The following TMC1 variants were observed in gnomAD, a reference collection of about 807,000 sequenced individuals.
TMC1 encodes transmembrane channel like 1.
In TMC1, 84 loss-of-function variants were observed where a neutral mutation model predicts 105.8. The ratio of observed to expected loss-of-function variants is 0.79; its 90% confidence interval spans 0.67 to 0.95. TMC1 has a LOEUF of 0.95. Among genes scored for constraint, TMC1 ranks in the 40% least tolerant of loss-of-function variants. The pLI is 0.00. For synonymous variants in TMC1, 315 were observed against 311.5 expected, an observed-to-expected ratio of 1.01 and a Z score of -0.12; for missense variants, 817 against 914.1, an observed-to-expected ratio of 0.89 and a Z score of 1.37.
chr9:72,768,874 G>C (rs935996630), intron 12 of TMC1, among the ~76,000 whole-genome samples: 12 of 152,102 alleles, frequency 7.9e-5, no homozygotes, highest in African/African-American at 2.7e-4. Context: ...ATATCAGGTG[G>C]GGGGTGACCC....
In TMC1 at chr9:72,792,255, A is replaced by G; in HGVS notation, c.1469A>G (p.Tyr490Cys). ...TGGGAAGCCAATATGATCAAGGCCT[A>G]CAATGCATCATTCTCTGAAAATAGC... Reference protein sequence around the residue: ...TLWEANMIKAYNASFSENSTG... With the variant: ...TLWEANMIKACNASFSENSTG... The change falls in exon 17 of 24, where the codon TAC becomes TGC. Residue 490 changes from tyrosine to cysteine, a missense_variant. Transcript: ENST00000297784. 1 of 1,614,192 alleles carries G rather than the reference A, an allele frequency of 6.2e-7. No individual in the cohort carries two copies. Among genetic ancestry groups the G allele is most frequent in the Non-Finnish European group, 8.5e-7 (1 of 1,180,022 alleles).
At chr9:72,821,826 G>T (rs1828879613) in intron 20 of TMC1, among the ~76,000 whole-genome samples, 1 of 152,258 alleles carries the variant, frequency 6.6e-6, no homozygotes, top group African/African-American at 2.4e-5. Flanking sequence ...GAGAGAGACA[G>T]ACAGAGAGAG....
chr9:72,757,974 A>G (rs1465562284), intron 12 of TMC1, among the ~76,000 whole-genome samples: 1 of 152,226 alleles, frequency 6.6e-6, no homozygotes, highest in East Asian at 1.9e-4. Context: ...ACATAAGTAA[A>G]TAAAAGTATT....
chr9:72,732,977 T>A (rs914041681), intron 8 of TMC1, among the ~76,000 whole-genome samples: 1 of 152,088 alleles, frequency 6.6e-6, no homozygotes, highest in Non-Finnish European at 1.5e-5. Flanking sequence ...GGAAACTGGA[T>A]CAAAGGCATT....
intron 3 of TMC1, among the ~76,000 whole-genome samples, chr9:72,626,038 G>A (rs1033014997): frequency 7.2e-5 from 11 of 152,166 alleles, no homozygotes; most frequent in African/African-American, 2.7e-4. Context: ...ACTGCATAGA[G>A]TGATTGTATA....
intron 6 of TMC1, among the ~76,000 whole-genome samples, chr9:72,693,099 G>T (rs1220412753): frequency 7.0e-6 from 1 of 143,564 alleles, no homozygotes; most frequent in Non-Finnish European, 1.5e-5. Context: ...CAGCTTGGGT[G>T]ATAGAACAAA....
intron 1 of TMC1, among the ~76,000 whole-genome samples, chr9:72,555,479 G>A (rs1283943878): frequency 4.0e-5 from 6 of 151,364 alleles, no homozygotes; most frequent in East Asian, 2.0e-4. Context: ...GAGATACTGC[G>A]CCCGGCCCAT....
chr9:72,730,462 A>G (rs1262410361), intron 8 of TMC1, among the ~76,000 whole-genome samples: 2 of 152,154 alleles, frequency 1.3e-5, no homozygotes, highest in Admixed American at 6.5e-5. Context: ...TCTGAGCCCA[A>G]CAGTTCCATA....
At chr9:72,739,244 T>A (rs899048654) in intron 8 of TMC1, among the ~76,000 whole-genome samples, 3 of 152,156 alleles carry the variant, frequency 2.0e-5, no homozygotes, top group Admixed American at 6.5e-5. Flanking sequence ...TGGCCACTAC[T>A]TACAAGGGCA....
At chr9:72,562,542 C>T (rs1824075269) in intron 1 of TMC1, among the ~76,000 whole-genome samples, 1 of 152,082 alleles carries the variant, frequency 6.6e-6, no homozygotes. Flanking sequence ...GAAAGTAAGA[C>T]AATTTAGTTT....
At chr9:72,617,947 G>A (rs948779618) in intron 3 of TMC1, among the ~76,000 whole-genome samples, 63 of 129,034 alleles carry the variant, frequency 4.9e-4, no homozygotes, top group African/African-American at 1.7e-3. Flanking sequence ...GTGTGTGTGT[G>A]TGTATGTGTG....
At chr9:72,826,686 G>A (rs560177442) in intron 20 of TMC1, among the ~76,000 whole-genome samples, 183 bp from the exon 21 acceptor site, 56 of 152,076 alleles carry the variant, frequency 3.7e-4, no homozygotes, top group African/African-American at 1.3e-3. Context: ...CATATTTCTC[G>A]TATCTTACCC....
chr9:72,830,918 T>G (rs569054234), intron 23 of TMC1, among the ~76,000 whole-genome samples: 2 of 152,200 alleles, frequency 1.3e-5, no homozygotes, highest in South Asian at 2.1e-4. Context: ...GCATATAAAC[T>G]TGGCAGTAGT....
chr9:72,650,855 G>T (rs1825793252), intron 5 of TMC1, among the ~76,000 whole-genome samples: 1 of 110,940 alleles, frequency 9.0e-6, no homozygotes, highest in Non-Finnish European at 1.8e-5. Flanking sequence ...TGGCTGCATG[G>T]TATTTCATGG....
At chr9:72,550,200 G>GC (rs928391230) in intron 1 of TMC1, among the ~76,000 whole-genome samples, 25 of 152,018 alleles carry the variant, frequency 1.6e-4, no homozygotes, top group African/African-American at 5.8e-4. Flanking sequence ...AGGCGTGGTG[G>GC]CTCCTGCCTG....
chr9:72,699,530 A>C (rs1826606744), intron 7 of TMC1, among the ~76,000 whole-genome samples: 1 of 152,234 alleles, frequency 6.6e-6, no homozygotes, highest in African/African-American at 2.4e-5. Flanking sequence ...TGAGAAATAA[A>C]ATATTTAAAC....
intron 14 of TMC1, 138 bp downstream of exon 14, chr9:72,788,621 G>A (rs1828209832): frequency 1.0e-6 from 1 of 975,680 alleles, no homozygotes; most frequent in Non-Finnish European, 1.6e-6. Context: ...CCAAGATCTT[G>A]CCATGGTTCT....
rs149061725 is a variant in TMC1, at chr9:72,738,832, C to G, written c.363-1287C>G. 8.9e-3 allele frequency among the ~76,000 whole-genome samples: 1,348 copies of G among 152,160 alleles called. 11 individuals carry two copies. Among genetic ancestry groups the G allele is most frequent in the Middle Eastern group, 0.017 (5 of 294 alleles). ...ATTCCAGGAGCCATCCAACTGAGGA[C>G]AGCATTGCACTTGTGGAACCACAAT... On this transcript the variant is annotated intron_variant, in intron 8 of 23. Coordinates refer to ENST00000297784, the MANE Select transcript of TMC1 (RefSeq NM_138691.3).
intron 4 of TMC1, among the ~76,000 whole-genome samples, chr9:72,646,033 A>G (rs548975125): frequency 2.7e-3 from 411 of 152,310 alleles, no homozygotes; most frequent in Non-Finnish European, 3.7e-3. Flanking sequence ...GTCCTCTCAC[A>G]TATATAAATT....
Sources: allele counts gnomAD v4.1 joint callset (sites outside exome capture counted in the v4.1 genomes callset), GRCh38; gene constraint gnomAD v4.1.1; transcripts MANE v1.5; gene names NCBI Gene and HGNC (gene_info 2026-07-23, HGNC 2026-07-21).